The following LINGO2 variants were observed in gnomAD, a reference collection of about 807,000 sequenced individuals.
LINGO2 encodes the protein leucine rich repeat and Ig domain containing 2, also known as leucine-rich repeat and immunoglobulin-like domain-containing nogo receptor-interacting protein 2.
LINGO2 carries 14 observed loss-of-function variants against 30.6 expected under a neutral mutation model. That is an observed-to-expected ratio of 0.46 (90% confidence interval 0.30 to 0.72). The LOEUF is 0.72. Ranked by LOEUF, LINGO2 falls within the 30% of genes least tolerant of loss-of-function variation. The pLI, the probability that LINGO2 is intolerant of heterozygous loss-of-function variation, is 0.07. For synonymous variants in LINGO2, 317 were observed against 288.5 expected (o/e 1.10, Z -1.00); for missense variants, 729 against 751.7 (o/e 0.97, Z 0.35).
At chr9:28,196,179 A>G (rs527552675) in intron 4 of LINGO2, among the ~76,000 whole-genome samples, 75 of 151,832 alleles carry the variant, frequency 4.9e-4, no homozygotes, top group African/African-American at 1.7e-3. Flanking sequence ...ATGGATTTAC[A>G]TTGTTAAAAC....
chr9:28,475,358 G>C (rs1158529834), intron 2 of LINGO2, among the ~76,000 whole-genome samples: 1 of 152,014 alleles, frequency 6.6e-6, no homozygotes, highest in Non-Finnish European at 1.5e-5. Flanking sequence ...AGAAATTTTG[G>C]CAGTGGATAC....
At chr9:28,754,776 G>A in the LINGO2 span, among the ~76,000 whole-genome samples, 78 of 151,626 alleles carry the variant, frequency 5.1e-4, 1 homozygote, top group East Asian at 0.012. Flanking sequence ...GACTACAGGC[G>A]CTCACCACCA....
At chr9:28,617,074 C>T (rs1351578467) in intron 1 of LINGO2, among the ~76,000 whole-genome samples, 5 of 151,924 alleles carry the variant, frequency 3.3e-5, no homozygotes, top group Non-Finnish European at 7.4e-5. Context: ...GTAAATTAGC[C>T]TTGGCATGAA....
chr9:28,331,027 T>C (rs1378133904), intron 3 of LINGO2, among the ~76,000 whole-genome samples: 3 of 152,064 alleles, frequency 2.0e-5, no homozygotes, highest in African/African-American at 7.2e-5. Flanking sequence ...CTGTGTGAAG[T>C]TGACATTGTT....
At chr9:28,660,506 A>T (rs541411300) in intron 1 of LINGO2, among the ~76,000 whole-genome samples, 1 of 152,270 alleles carries the variant, frequency 6.6e-6, no homozygotes, top group African/African-American at 2.4e-5. Context: ...ATTAATGTAC[A>T]TTTCAAAAAT....
At chr9:28,465,018 C>T (rs540158153) in intron 2 of LINGO2, among the ~76,000 whole-genome samples, 1 of 152,268 alleles carries the variant, frequency 6.6e-6, no homozygotes, top group East Asian at 1.9e-4. Context: ...GGGCGCCGCC[C>T]CCCCGCCCCA....
intron 5 of LINGO2, among the ~76,000 whole-genome samples, chr9:27,981,572 A>AAAAAAAAAAG: frequency 7.3e-6 from 1 of 137,702 alleles, no homozygotes; most frequent in Non-Finnish European, 1.5e-5. Context: ...AAAAAAAAGA[A>AAAAAAAAAAG]AAAAAAAAGA....
At chr9:29,152,107 C>T in the LINGO2 span, among the ~76,000 whole-genome samples, 1 of 152,030 alleles carries the variant, frequency 6.6e-6, no homozygotes, top group Non-Finnish European at 1.5e-5. Flanking sequence ...ATCCAAACCA[C>T]AATGAAATAC....
intron 2 of LINGO2, among the ~76,000 whole-genome samples, chr9:28,429,305 T>A (rs1823547686): frequency 6.6e-6 from 1 of 152,170 alleles, no homozygotes; most frequent in Admixed American, 6.5e-5. Context: ...CACAAGAGTT[T>A]TAAAATTTTA....
At chr9:28,751,771 C>A in the LINGO2 span, among the ~76,000 whole-genome samples, 6 of 151,908 alleles carry the variant, frequency 3.9e-5, no homozygotes, top group Non-Finnish European at 7.4e-5. Flanking sequence ...AACTCAGGTT[C>A]CTTATTTTCT....
At chr9:28,724,645 A>G in the LINGO2 span, among the ~76,000 whole-genome samples, 2 of 152,282 alleles carry the variant, frequency 1.3e-5, no homozygotes, top group South Asian at 4.1e-4. Context: ...GAATAACTGT[A>G]TCCACCTCAG....
intron 4 of LINGO2, among the ~76,000 whole-genome samples, chr9:28,176,406 T>C (rs1280492359): frequency 2.0e-5 from 3 of 152,168 alleles, no homozygotes; most frequent in Admixed American, 6.5e-5. Context: ...ACATCTATAG[T>C]AGCAGTTTTC....
the LINGO2 span, among the ~76,000 whole-genome samples, chr9:28,860,633 A>G: frequency 6.6e-6 from 1 of 150,938 alleles, no homozygotes; most frequent in East Asian, 1.9e-4. Flanking sequence ...CTATATATAA[A>G]GATGCATATA....
chr9:27,985,563 AT>A (rs779071231), intron 5 of LINGO2, among the ~76,000 whole-genome samples: 10 of 134,192 alleles, frequency 7.5e-5, no homozygotes, highest in Non-Finnish European at 1.4e-4. Flanking sequence ...TTTTTGGGGG[AT>A]TTTTTGACAT....
chr9:28,532,345 T>C (rs2135432055), intron 1 of LINGO2, among the ~76,000 whole-genome samples: 1 of 152,240 alleles, frequency 6.6e-6, no homozygotes, highest in Middle Eastern at 3.4e-3. Context: ...CTAAAATAGG[T>C]TGTGAGAATT....
intron 1 of LINGO2, among the ~76,000 whole-genome samples, chr9:28,600,650 T>A (rs1283442839): frequency 6.6e-6 from 1 of 152,050 alleles, no homozygotes; most frequent in Non-Finnish European, 1.5e-5. Flanking sequence ...AAGGTCAAAA[T>A]GAGCTACAAA....
At chr9:29,101,411 A>G in the LINGO2 span, among the ~76,000 whole-genome samples, 1 of 152,210 alleles carries the variant, frequency 6.6e-6, no homozygotes, top group African/African-American at 2.4e-5. Context: ...CCACATTCAG[A>G]GAATTATTCA....
chr9:28,915,191 G>C, the LINGO2 span, among the ~76,000 whole-genome samples: 1 of 152,194 alleles, frequency 6.6e-6, no homozygotes. Context: ...CAAACTTTGA[G>C]GACACAGAAA....
rs1280230722 is a variant in LINGO2, at chr9:28,391,765, A to C, written c.-278-18897T>G. ...GGAAATTCTTTATAATTATTTTTGA[A>C]TATACCAATAAATACCTAATTTATT... is the stretch of plus-strand genomic sequence containing the variant. On this transcript the variant is annotated intron_variant, in intron 2 of 5. Transcript: ENST00000379992. Among the ~76,000 whole-genome samples, 4 of 152,306 alleles carry C rather than the reference A, an allele frequency of 2.6e-5. No individual in the cohort carries two copies. The East Asian group carries it at 7.7e-4, about 29-fold the overall frequency.
Sources: allele counts gnomAD v4.1 joint callset (sites outside exome capture counted in the v4.1 genomes callset), GRCh38; gene constraint gnomAD v4.1.1; transcripts MANE v1.5; gene names NCBI Gene and HGNC (gene_info 2026-07-23, HGNC 2026-07-21).